Variants in PLCG2 observed in about 807,000 individuals in gnomAD.
PLCG2 encodes phospholipase C gamma 2, also known as 1-phosphatidylinositol 4,5-bisphosphate phosphodiesterase gamma-2.
In PLCG2, 69 loss-of-function variants were observed where a neutral mutation model predicts 175.6. The observed-to-expected ratio is 0.39, with a 90% CI of 0.32 to 0.48. PLCG2 has a LOEUF of 0.48. PLCG2 is among the 20% of genes least tolerant of loss of function. The probability of loss-of-function intolerance (pLI) is 0.91; values close to 1 mark genes in which losing one functional copy is unlikely to be tolerated. For synonymous variants in PLCG2, 827 were observed against 624.0 expected (o/e 1.33, Z -4.85); for missense variants, 1,798 against 1,650.9 (o/e 1.09, Z -1.54).
chr16:81,928,872 G>A lies in PLCG2; in HGVS notation c.2581+248G>A, dbSNP rs958022541. 3.0e-5 allele frequency: 13 copies of A among 431,394 alleles called. No individual in the cohort carries two copies. In the Admixed American group the frequency reaches 3.9e-4, roughly 13 times the overall value. The allele number at this position is 431,394 out of a possible 1,614,324, so 26.7% of individuals were successfully genotyped here. A position where few individuals can be genotyped will look rare whatever the true frequency, so the allele number is the denominator to read the frequency against. ...ACATAAGTGCTAGATGGTGGTTAGC[G>A]GATATTATTACCAGCGTCACTCTTA... is the stretch of plus-strand genomic sequence containing the variant. On this transcript the variant is annotated intron_variant, in intron 24 of 32. Transcript: ENST00000564138.
At chr16:81,764,689 C>G (rs1483300288) in intron 2 of PLCG2, among the ~76,000 whole-genome samples, 1 of 152,156 alleles carries the variant, frequency 6.6e-6, no homozygotes. Context: ...AACAGTGTCC[C>G]CCAAATTTAT....
At position 81,905,487 on chromosome 16, in the gene PLCG2, A is replaced by G. The variant is rs773692366; in HGVS notation, c.1447A>G (p.Met483Val). The G allele has an allele frequency of 5.6e-6, 9 of 1,613,968 alleles. No individual in the cohort carries two copies. Among genetic ancestry groups the G allele is most frequent in the Non-Finnish European group, 7.6e-6 (9 of 1,179,806 alleles). Residue 483 changes from methionine (M) to valine (V), a missense_variant, in exon 15 of 33, where the codon ATG becomes GTG. Coordinates refer to ENST00000564138, the MANE Select transcript of PLCG2 (RefSeq NM_002661.5). ...DEHKQQGELY[M>V]WDSIDQKWTR... ...ACACAAGCAACAGGGGGAGCTGTACATGTGGGATTCCATTGACCAGGTGGG... is the reference window on the plus strand; with the variant it reads ...ACACAAGCAACAGGGGGAGCTGTACGTGTGGGATTCCATTGACCAGGTGGG...
intron 14 of PLCG2, among the ~76,000 whole-genome samples, chr16:81,905,048 C>T (rs917938900): frequency 1.3e-4 from 20 of 152,136 alleles, no homozygotes; most frequent in Non-Finnish European, 2.1e-4. Flanking sequence ...CCACCATGCC[C>T]GGCTAATTTT....
intron 8 of PLCG2, among the ~76,000 whole-genome samples, chr16:81,881,504 G>A (rs950095367): frequency 6.6e-6 from 1 of 152,208 alleles, no homozygotes; most frequent in South Asian, 2.1e-4. Context: ...CAGCCTATCT[G>A]ACTGGGAGAA....
At chr16:81,875,478 C>G (rs1031790696) in intron 7 of PLCG2, among the ~76,000 whole-genome samples, 3 of 152,072 alleles carry the variant, frequency 2.0e-5, no homozygotes, top group African/African-American at 7.2e-5. Context: ...TTTTTGAATC[C>G]TTTGTATTAA....
intron 2 of PLCG2, among the ~76,000 whole-genome samples, chr16:81,769,446 G>T (rs921481338): frequency 6.6e-6 from 1 of 152,166 alleles, no homozygotes; most frequent in African/African-American, 2.4e-5. Flanking sequence ...AACTCCCGGC[G>T]CATCTCAGAC....
chr16:81,944,696 G>A (rs1056944036), intron 30 of PLCG2, among the ~76,000 whole-genome samples: 2 of 152,062 alleles, frequency 1.3e-5, no homozygotes, highest in Non-Finnish European at 2.9e-5. Context: ...GGCTAGTCTT[G>A]AATTCCTGGC....
intron 2 of PLCG2, among the ~76,000 whole-genome samples, chr16:81,759,902 A>G (rs1195382763): frequency 6.6e-6 from 1 of 152,110 alleles, no homozygotes; most frequent in Non-Finnish European, 1.5e-5. Flanking sequence ...CGAGGCGGGC[A>G]GATCACAAGG....
chr16:81,799,602 T>C (rs1377928120), intron 2 of PLCG2, among the ~76,000 whole-genome samples: 1 of 150,058 alleles, frequency 6.7e-6, no homozygotes, highest in Non-Finnish European at 1.5e-5. Context: ...TTATTAATTT[T>C]TTTTTTTTTT....
At chr16:81,897,037 A>G (rs896745441) in intron 13 of PLCG2, among the ~76,000 whole-genome samples, 2 of 152,216 alleles carry the variant, frequency 1.3e-5, no homozygotes, top group African/African-American at 4.8e-5. Context: ...CTCTGTTGCA[A>G]CTATTCAGCC....
intron 3 of PLCG2, among the ~76,000 whole-genome samples, chr16:81,856,223 C>T (rs139790675): frequency 1.3e-5 from 2 of 152,294 alleles, no homozygotes; most frequent in Non-Finnish European, 2.9e-5. Flanking sequence ...GCAGCAGTCT[C>T]TGCCATGGGT....
chr16:81,853,326 G>C (rs897956394), intron 2 of PLCG2, among the ~76,000 whole-genome samples: 14 of 100,146 alleles, frequency 1.4e-4, no homozygotes, highest in East Asian at 6.8e-4. Context: ...GTGAGATTCT[G>C]TCTCAAAAAA....
At chr16:81,861,839 C>G (rs1405224503) in intron 5 of PLCG2, among the ~76,000 whole-genome samples, 2 of 152,214 alleles carry the variant, frequency 1.3e-5, no homozygotes, top group Non-Finnish European at 2.9e-5. Flanking sequence ...ATACCACCCT[C>G]TTGCTCAGGA....
At chr16:81,855,215 A>C (rs1420156690) in intron 3 of PLCG2, among the ~76,000 whole-genome samples, 1 of 151,286 alleles carries the variant, frequency 6.6e-6, no homozygotes, top group African/African-American at 2.4e-5. Flanking sequence ...AAAAGAGAAG[A>C]AAAAGAAAAA....
intron 1 of PLCG2, among the ~76,000 whole-genome samples, chr16:81,781,634 G>A (rs1910736280): frequency 6.6e-6 from 1 of 152,142 alleles, no homozygotes; most frequent in African/African-American, 2.4e-5. Flanking sequence ...TTTGAAAATA[G>A]TGTATTCCCT....
intron 31 of PLCG2, among the ~76,000 whole-genome samples, chr16:81,948,325 G>C (rs1050357409): frequency 2.6e-5 from 4 of 151,626 alleles, no homozygotes; most frequent in Non-Finnish European, 3.0e-5. Flanking sequence ...CGAAGAATGG[G>C]ACTGGGGAAA....
chr16:81,849,784 A>C (rs912465647), intron 2 of PLCG2, among the ~76,000 whole-genome samples: 1 of 108,182 alleles, frequency 9.2e-6, no homozygotes, highest in Non-Finnish European at 2.4e-5. Context: ...AAAAAAAAAA[A>C]AAAAAAAAAA....
At chr16:81,874,955 T>G (rs915745650) in intron 7 of PLCG2, among the ~76,000 whole-genome samples, 3 of 130,076 alleles carry the variant, frequency 2.3e-5, no homozygotes, top group Non-Finnish European at 5.0e-5. Context: ...TGTGTTTTTT[T>G]TTTTTTTTTT....
intron 11 of PLCG2, among the ~76,000 whole-genome samples, chr16:81,892,308 CA>C (rs1908674798): frequency 6.6e-6 from 1 of 152,174 alleles, no homozygotes; most frequent in East Asian, 1.9e-4. Flanking sequence ...GAGATGCTCA[CA>C]GGGGGCTCTT....
Sources: gnomAD v4.1 joint callset for allele counts (sites outside exome capture counted in the v4.1 genomes callset) on GRCh38, gnomAD v4.1.1 for gene constraint, MANE v1.5 for transcripts, NCBI Gene and HGNC (gene_info 2026-07-23, HGNC 2026-07-21) for gene names.